SNX29: variants seen among roughly 807,000 people sequenced by gnomAD.
SNX29 encodes sorting nexin-29.
A neutral mutation model predicts 102.1 loss-of-function variants in SNX29; 78 were observed. The observed-to-expected ratio is 0.76, with a 90% CI of 0.64 to 0.92. The LOEUF (loss-of-function observed/expected upper bound fraction) is 0.92, where lower values mean the gene tolerates loss of function less well. Among genes scored for constraint, SNX29 ranks in the 40% least tolerant of loss-of-function variants. The pLI is 0.00. For missense variants in SNX29, 1,280 were observed against 1,061.7 expected (o/e 1.21, Z -2.86); for synonymous variants, 580 against 414.5 (o/e 1.40, Z -4.85).
chr16:12,223,124 A>G (rs1332897404), intron 14 of SNX29, among the ~76,000 whole-genome samples: 1 of 152,226 alleles, frequency 6.6e-6, no homozygotes, highest in Non-Finnish European at 1.5e-5. Context: ...TTCTGGAGTC[A>G]GACCATGTAA....
At chr16:12,127,985 C>CA (rs1045705247) in intron 12 of SNX29, among the ~76,000 whole-genome samples, 1 of 152,146 alleles carries the variant, frequency 6.6e-6, no homozygotes, top group Non-Finnish European at 1.5e-5. Flanking sequence ...CTTTCTTACT[C>CA]ACACGCTCTT....
intron 19 of SNX29, among the ~76,000 whole-genome samples, chr16:12,524,337 TC>T: frequency 6.6e-6 from 1 of 152,008 alleles, no homozygotes; most frequent in Non-Finnish European, 1.5e-5. Flanking sequence ...TTGATTTGTG[TC>T]TCCCTCGCTG....
chr16:12,002,391 T>C (rs1596562594), intron 2 of SNX29, among the ~76,000 whole-genome samples: 1 of 148,420 alleles, frequency 6.7e-6, no homozygotes, highest in South Asian at 2.1e-4. Context: ...GAGGTTGTGG[T>C]GAGCTGAGAT....
rs976432251 is a variant in SNX29, at chr16:12,443,900, C to T, written c.2038-33819C>T. On this transcript the variant is annotated intron_variant, in intron 18 of 20. Transcript: ENST00000566228. ...TACCTTCTTCACTGGGGAATGTGAG[C>T]ATTCGAAACTTGCATAGCACCTAGC... Among the ~76,000 whole-genome samples the T allele has an allele frequency of 3.3e-5, 5 of 152,218 alleles. No individual in the cohort carries two copies. The East Asian group carries it at 9.6e-4, about 29-fold the overall frequency.
chr16:12,544,126 A>G (rs553610919), intron 20 of SNX29, among the ~76,000 whole-genome samples: 3 of 152,342 alleles, frequency 2.0e-5, no homozygotes, highest in Admixed American at 6.5e-5. Context: ...AAACAAGTCC[A>G]TAACCCTATA....
chr16:12,101,399 T>C (rs1310143298), intron 11 of SNX29, among the ~76,000 whole-genome samples: 3 of 151,770 alleles, frequency 2.0e-5, no homozygotes, highest in Admixed American at 6.6e-5. Context: ...TTTTTTTTTT[T>C]TTGAGACAGA....
intron 14 of SNX29, among the ~76,000 whole-genome samples, chr16:12,227,763 G>A (rs1379548307): frequency 1.3e-5 from 2 of 151,992 alleles, no homozygotes; most frequent in Non-Finnish European, 2.9e-5. Flanking sequence ...AGCCAGGCAT[G>A]GTGGCTCGTG....
chr16:12,473,701 G>T (rs2087462823), intron 18 of SNX29, among the ~76,000 whole-genome samples: 1 of 152,310 alleles, frequency 6.6e-6, no homozygotes, highest in African/African-American at 2.4e-5. Flanking sequence ...TGATTAAACA[G>T]GTTGCAGTAA....
At chr16:12,555,451 T>C (rs992086138) in intron 20 of SNX29, among the ~76,000 whole-genome samples, 1 of 151,862 alleles carries the variant, frequency 6.6e-6, no homozygotes, top group Non-Finnish European at 1.5e-5. Context: ...GTACGCAGGG[T>C]GTTTCCCTAG....
chr16:12,430,012 G>C (rs191707973), intron 18 of SNX29, among the ~76,000 whole-genome samples: 3 of 152,216 alleles, frequency 2.0e-5, no homozygotes, highest in East Asian at 3.9e-4. Context: ...GAGGTGAGCC[G>C]TGGGCCAGCA....
chr16:12,490,774 A>G (rs779362452), intron 19 of SNX29, among the ~76,000 whole-genome samples: 6 of 152,252 alleles, frequency 3.9e-5, no homozygotes, highest in African/African-American at 7.2e-5. Flanking sequence ...CACCTAAAAA[A>G]TTATTAGGAA....
chr16:12,463,339 C>T (rs557223762), intron 18 of SNX29, among the ~76,000 whole-genome samples: 2 of 152,326 alleles, frequency 1.3e-5, no homozygotes, highest in East Asian at 3.9e-4. Flanking sequence ...ATACCCGAGA[C>T]TGGGCAGTTT....
intron 14 of SNX29, among the ~76,000 whole-genome samples, chr16:12,261,555 G>A (rs2078764062): frequency 7.8e-6 from 1 of 128,590 alleles, no homozygotes; most frequent in Non-Finnish European, 1.7e-5. Flanking sequence ...GTAAGTGTTT[G>A]CTCTGAGCTT....
intron 14 of SNX29, among the ~76,000 whole-genome samples, chr16:12,255,352 T>A (rs937403579): frequency 1.3e-5 from 2 of 150,512 alleles, no homozygotes; most frequent in Non-Finnish European, 2.9e-5. Flanking sequence ...CCCACCACCA[T>A]GCCTGGCTAA....
At chr16:12,317,354 C>T (rs890502275) in intron 15 of SNX29, among the ~76,000 whole-genome samples, 4 of 152,196 alleles carry the variant, frequency 2.6e-5, no homozygotes, top group African/African-American at 9.7e-5. Flanking sequence ...TTCTGTGTGT[C>T]CTTCTCTGTC....
intron 16 of SNX29, among the ~76,000 whole-genome samples, chr16:12,360,813 A>G (rs1000570301): frequency 6.6e-6 from 1 of 152,182 alleles, no homozygotes; most frequent in African/African-American, 2.4e-5. Flanking sequence ...CCTGTTGTAT[A>G]CTAAGAACCC....
rs577494284 is a variant in SNX29 at position 12,151,914 on chromosome 16, T to C, written c.1595+22156T>C. ...CCATGCCTGGCCAATTTTTGTATTT[T>C]TAGTAGAGATGAAGTTTTGCCTGTT... On this transcript the variant is annotated intron_variant, in intron 13 of 20. Transcript: ENST00000566228. 5.3e-5 allele frequency among the ~76,000 whole-genome samples: 8 copies of C among 152,302 alleles called. No individual in the cohort carries two copies. In the East Asian group the frequency reaches 1.5e-3, roughly 29 times the overall value.
chr16:12,000,696 C>T (rs1244331930), intron 2 of SNX29, among the ~76,000 whole-genome samples: 2 of 151,870 alleles, frequency 1.3e-5, no homozygotes, highest in Non-Finnish European at 2.9e-5. Context: ...CCGGGGTGTA[C>T]GTTGAGTATT....
intron 1 of SNX29, among the ~76,000 whole-genome samples, chr16:11,992,431 A>C (rs893035771): frequency 2.6e-5 from 4 of 152,036 alleles, no homozygotes; most frequent in Non-Finnish European, 5.9e-5. Context: ...AAACATTTTC[A>C]TCACCCAAAG....
Sources: allele counts gnomAD v4.1 joint callset (sites outside exome capture counted in the v4.1 genomes callset), GRCh38; gene constraint gnomAD v4.1.1; transcripts MANE v1.5; gene names NCBI Gene and HGNC (gene_info 2026-07-23, HGNC 2026-07-21).